Variants in STMN4 observed in about 807,000 individuals in gnomAD.
STMN4 encodes stathmin 4.
Under a neutral mutation model 29.1 loss-of-function variants are expected in STMN4, and 12 were observed. That is an observed-to-expected ratio of 0.41 (90% CI 0.26 to 0.67). The LOEUF (loss-of-function observed/expected upper bound fraction) is 0.67, where lower values mean the gene tolerates loss of function less well. Among genes scored for constraint, STMN4 ranks in the 30% least tolerant of loss-of-function variants. STMN4 has a pLI of 0.30. For missense variants in STMN4, 181 were observed against 262.8 expected, an observed-to-expected ratio of 0.69 and a Z score of 2.15; for synonymous variants, 114 against 105.3, an observed-to-expected ratio of 1.08 and a Z score of -0.51.
At chr8:27,254,650 G>T (rs1400996988) in intron 1 of STMN4, among the ~76,000 whole-genome samples, 1 of 151,164 alleles carries the variant, frequency 6.6e-6, no homozygotes, top group Non-Finnish European at 1.5e-5. Context: ...GGTGGGGTGG[G>T]AGTGTTCAGA....
chr8:27,239,093 C>A (rs116132487), intron 6 of STMN4: 2 of 1,068,800 alleles, frequency 1.9e-6, no homozygotes, highest in Non-Finnish European at 1.3e-6. Flanking sequence ...GGGGCTGCCT[C>A]GTGCTGGCCA....
Position 27,241,715 on chromosome 8 carries a change from C to T in STMN4, c.152G>A (p.Arg51Gln), listed in dbSNP as rs150158276. 6.2e-6 allele frequency: 10 copies of T among 1,614,068 alleles called. No individual in the cohort carries two copies. In the South Asian group the frequency reaches 9.9e-5, roughly 16 times the overall value. Residue 51 changes from arginine to glutamine, a missense_variant, in exon 4 of 7, where the codon CGG becomes CAG. Arg to Gln is a conservative substitution (Grantham distance 43, BLOSUM62 1). Coordinates refer to ENST00000350889, the MANE Select transcript of STMN4 (RefSeq NM_030795.4). ...TTCTCTCCAGTCAGCACTGTCTTTC[C>T]GCTGGCTTTCATCCTTCCTCCTACA... is the stretch of plus-strand genomic sequence containing the variant. Reference protein sequence around the residue: ...RQCRRKDESQRKDSADWRERR... With the variant: ...RQCRRKDESQQKDSADWRERR...
chr8:27,252,738 T>C (rs948149878), intron 1 of STMN4, among the ~76,000 whole-genome samples: 1 of 152,198 alleles, frequency 6.6e-6, no homozygotes, highest in African/African-American at 2.4e-5. Flanking sequence ...TCTTCTTATA[T>C]CAAAGCCCAT....
rs1319043337 is a variant in STMN4 at position 27,236,780 on chromosome 8, G to T, written c.*66C>A. Reference sequence around the variant, plus strand: ...GCTGGGAGCGCAGCCGGCGGGCGAGGCTGCCTGGAACGTGGAGCTGCTGGA... The same window carrying T: ...GCTGGGAGCGCAGCCGGCGGGCGAGTCTGCCTGGAACGTGGAGCTGCTGGA... On this transcript the variant is annotated 3_prime_UTR_variant, in exon 7 of 7. Coordinates refer to ENST00000350889, the MANE Select transcript of STMN4 (RefSeq NM_030795.4). The T allele has an allele frequency of 1.4e-6, 2 of 1,452,450 alleles. No individual in the cohort carries two copies. The highest frequency in any genetic ancestry group is 2.9e-5 in the African/African-American group (2 of 69,678). The allele number at this position is 1,452,450 out of a possible 1,614,324, so 90.0% of individuals were successfully genotyped here. A position where few individuals can be genotyped will look rare whatever the true frequency, so the allele number is the denominator to read the frequency against.
At chr8:27,251,798 CT>C (rs1184937751) in intron 1 of STMN4, among the ~76,000 whole-genome samples, 3 of 16,696 alleles carry the variant, frequency 1.8e-4, no homozygotes, top group Admixed American at 1.4e-3. Flanking sequence ...TTTTTGCCAT[CT>C]TTTTTTTTCT....
At chr8:27,244,370 C>T (rs748542723) in intron 1 of STMN4, among the ~76,000 whole-genome samples, 8 of 152,098 alleles carry the variant, frequency 5.3e-5, no homozygotes, top group Non-Finnish European at 8.8e-5. Context: ...TAAGACAATC[C>T]GGGACACAGG....
At chr8:27,248,731 G>T (rs1056116533) in intron 1 of STMN4, among the ~76,000 whole-genome samples, 1 of 152,208 alleles carries the variant, frequency 6.6e-6, no homozygotes, top group African/African-American at 2.4e-5. Context: ...ACACAGGTAG[G>T]TAGGGGCAGA....
At chr8:27,239,372 C>A (rs1260502073) in intron 6 of STMN4, 1 of 1,409,212 alleles carries the variant, frequency 7.1e-7, no homozygotes, top group Non-Finnish European at 9.6e-7. Flanking sequence ...AGCGTGTTCT[C>A]AGCAGAACGG....
intron 5 of STMN4, 49 bp from the exon 6 acceptor site, chr8:27,240,211 G>A: frequency 6.3e-7 from 1 of 1,574,838 alleles, no homozygotes; most frequent in Non-Finnish European, 8.6e-7. Flanking sequence ...GAGTGTGCCA[G>A]GGTTTATTTT....
At chr8:27,243,445 C>A (rs1022348704) in intron 2 of STMN4, among the ~76,000 whole-genome samples, 27 of 151,754 alleles carry the variant, frequency 1.8e-4, no homozygotes, top group South Asian at 2.1e-4. Context: ...TAAAAAAAAA[C>A]ACACATATAC....
intron 6 of STMN4, among the ~76,000 whole-genome samples, chr8:27,238,118 TC>T (rs1334824260): frequency 6.6e-6 from 1 of 152,158 alleles, no homozygotes; most frequent in Non-Finnish European, 1.5e-5. Context: ...GGGCAGGGGT[TC>T]CCAAACTTTG....
intron 1 of STMN4, among the ~76,000 whole-genome samples, chr8:27,253,232 T>C (rs1346199232): frequency 6.6e-6 from 1 of 152,222 alleles, no homozygotes; most frequent in Non-Finnish European, 1.5e-5. Context: ...AAATTCCTTA[T>C]CTTTTGCAAT....
chr8:27,243,436 A>T (rs889932676), intron 2 of STMN4, among the ~76,000 whole-genome samples: 4 of 149,440 alleles, frequency 2.7e-5, no homozygotes, highest in African/African-American at 7.4e-5. Context: ...ATAAAAACTT[A>T]AAAAAAAACA....
chr8:27,237,264 G>C (rs1454209347), intron 6 of STMN4, among the ~76,000 whole-genome samples: 1 of 152,200 alleles, frequency 6.6e-6, no homozygotes, highest in Non-Finnish European at 1.5e-5. Flanking sequence ...GGGGTAATTT[G>C]TGCCAGAGGA....
At position 27,236,815 on chromosome 8, in the gene STMN4, C is replaced by A. The variant is rs1042790949; in HGVS notation, c.*31G>T. ...ACGTGGAGCTGCTGGAGCTGTCCGG[C>A]TGACCTGGAAAGTTCTTTGGCCTCT... On this transcript the variant is annotated 3_prime_UTR_variant, in exon 7 of 7. Coordinates refer to ENST00000350889, the MANE Select transcript of STMN4 (RefSeq NM_030795.4). 6.4e-7 allele frequency: 1 copy of A among 1,574,728 alleles called. No homozygotes were observed. The highest frequency in any genetic ancestry group is 8.6e-7 in the Non-Finnish European group (1 of 1,162,842).
At chr8:27,256,481 T>C (rs1428093652) in intron 1 of STMN4, among the ~76,000 whole-genome samples, 4 of 152,192 alleles carry the variant, frequency 2.6e-5, no homozygotes, top group Non-Finnish European at 5.9e-5. Context: ...TTCTCAAACT[T>C]TTTTGACTGA....
rs1483052195 is a variant in STMN4 at position 27,235,493 on chromosome 8, G to A, written c.*1353C>T. 3.3e-5 allele frequency: 5 copies of A among 152,260 alleles called. No individual in the cohort carries two copies. The highest frequency in any genetic ancestry group is 1.2e-4 in the African/African-American group (5 of 41,442). 9.4% of individuals were successfully genotyped at this position (152,260 alleles called of 1,614,324 possible). Reference sequence around the variant, plus strand: ...TCCAGCCATGGTTCAGTGTCCTGGAGACCAAGACTGCTGGGTCTGGATGCC... The same window carrying A: ...TCCAGCCATGGTTCAGTGTCCTGGAAACCAAGACTGCTGGGTCTGGATGCC... On this transcript the variant is annotated 3_prime_UTR_variant, in exon 7 of 7. Coordinates refer to ENST00000350889, the MANE Select transcript of STMN4 (RefSeq NM_030795.4).
chr8:27,246,590 T>G (rs1801629874), intron 1 of STMN4, among the ~76,000 whole-genome samples: 1 of 72,326 alleles, frequency 1.4e-5, no homozygotes, highest in Non-Finnish European at 3.1e-5. Flanking sequence ...ATGAAGGATC[T>G]CAAGAAGAGA....
At chr8:27,242,348 G>A in intron 3 of STMN4, 49 bp downstream of exon 3, 1 of 1,582,106 alleles carries the variant, frequency 6.3e-7, no homozygotes, top group African/African-American at 1.3e-5. Context: ...ATGAGGACAG[G>A]ACACAGGGCC....
Sources: gnomAD v4.1 joint callset for allele counts (sites outside exome capture counted in the v4.1 genomes callset) on GRCh38, gnomAD v4.1.1 for gene constraint, MANE v1.5 for transcripts, NCBI Gene and HGNC (gene_info 2026-07-23, HGNC 2026-07-21) for gene names.